Variants in TMEM108 observed in about 807,000 individuals in gnomAD.
TMEM108 encodes cancer/testis antigen 124.
In TMEM108, 12 loss-of-function variants were observed where a neutral mutation model predicts 35.1. The observed-to-expected ratio is 0.34, with a 90% CI of 0.22 to 0.55. The LOEUF (loss-of-function observed/expected upper bound fraction) is 0.55. Among genes scored for constraint, TMEM108 ranks in the 20% least tolerant of loss-of-function variants. The probability of loss-of-function intolerance (pLI) is 0.89; values close to 1 mark genes in which losing one functional copy is unlikely to be tolerated. For synonymous variants in TMEM108, 287 were observed against 308.6 expected (o/e 0.93, Z 0.73); for missense variants, 680 against 753.3 (o/e 0.90, Z 1.14).
chr3:133,060,254 G>T (rs1235793489), intron 2 of TMEM108, among the ~76,000 whole-genome samples: 1 of 152,136 alleles, frequency 6.6e-6, no homozygotes, highest in African/African-American at 2.4e-5. Flanking sequence ...GCTGCCTTGT[G>T]GTCTGAGAAG....
At chr3:133,105,677 C>T (rs996543508) in intron 2 of TMEM108, among the ~76,000 whole-genome samples, 7 of 152,126 alleles carry the variant, frequency 4.6e-5, no homozygotes, top group African/African-American at 1.4e-4. Flanking sequence ...CACACTCTTA[C>T]CCCCAAACTT....
At chr3:133,383,550 T>C (rs1211263612) in intron 4 of TMEM108, among the ~76,000 whole-genome samples, 1 of 152,216 alleles carries the variant, frequency 6.6e-6, no homozygotes, top group African/African-American at 2.4e-5. Context: ...CACCTGGATT[T>C]TGCAATTCTA....
At chr3:133,146,077 A>C (rs192024219) in intron 2 of TMEM108, among the ~76,000 whole-genome samples, 1 of 152,306 alleles carries the variant, frequency 6.6e-6, no homozygotes, top group Admixed American at 6.5e-5. Context: ...ACTTTGGCCC[A>C]TTCAGTATGA....
chr3:133,045,447 A>G (rs1036535490), intron 1 of TMEM108, among the ~76,000 whole-genome samples: 2 of 152,196 alleles, frequency 1.3e-5, no homozygotes, highest in South Asian at 4.1e-4. Context: ...CTTTTGTACA[A>G]TGGAGTCTGG....
chr3:133,088,261 G>A (rs1943907173), intron 2 of TMEM108, among the ~76,000 whole-genome samples: 1 of 152,092 alleles, frequency 6.6e-6, no homozygotes, highest in African/African-American at 2.4e-5. Flanking sequence ...CAGGAGGGCA[G>A]GAAAGGCCCA....
intron 3 of TMEM108, among the ~76,000 whole-genome samples, chr3:133,241,937 A>G (rs1946319900): frequency 6.6e-6 from 1 of 152,086 alleles, no homozygotes; most frequent in Non-Finnish European, 1.5e-5. Flanking sequence ...ACAACAAATT[A>G]CCACAAACTT....
At chr3:133,181,932 A>G (rs1278990024) in intron 2 of TMEM108, among the ~76,000 whole-genome samples, 1 of 152,222 alleles carries the variant, frequency 6.6e-6, no homozygotes, top group Non-Finnish European at 1.5e-5. Context: ...ACATTGAAAC[A>G]TTGTAAATAT....
At chr3:133,237,081 G>T (rs1285592560) in intron 3 of TMEM108, among the ~76,000 whole-genome samples, 1 of 152,106 alleles carries the variant, frequency 6.6e-6, no homozygotes, top group Non-Finnish European at 1.5e-5. Flanking sequence ...AAGCTTCCTA[G>T]GGTCTGCGCA....
intron 2 of TMEM108, among the ~76,000 whole-genome samples, chr3:133,055,244 A>T (rs1943452683): frequency 1.3e-5 from 2 of 152,252 alleles, no homozygotes; most frequent in Non-Finnish European, 2.9e-5. Context: ...CCAGAAGATT[A>T]AAATCTTCAA....
chr3:133,077,017 A>G (rs1171212951), intron 2 of TMEM108, among the ~76,000 whole-genome samples: 2 of 152,240 alleles, frequency 1.3e-5, no homozygotes, highest in Non-Finnish European at 2.9e-5. Context: ...CTCACATGAG[A>G]TAGTCATGCT....
Position 133,380,328 on chromosome 3 carries a change from C to G in TMEM108, c.617C>G (p.Pro206Arg). ...GQRGRNPSSTPLGQKRPLGKI... is the reference protein window; with the variant it reads ...GQRGRNPSSTRLGQKRPLGKI... Reference sequence around the variant, plus strand: ...CGAGGACGAAATCCAAGCTCCACACCTCTGGGGCAGAAGCGGCCCCTGGGG... The same window carrying G: ...CGAGGACGAAATCCAAGCTCCACACGTCTGGGGCAGAAGCGGCCCCTGGGG... The change falls in exon 4 of 6, where the codon CCT becomes CGT. Residue 206 changes from proline (P) to arginine (R), a missense_variant. By Grantham distance (103) the Pro-to-Arg change is moderately radical (BLOSUM62 -2). Around this residue, in one of 3 missense-constraint regions of TMEM108, gnomAD observed 526 missense variants for 532.1 expected, o/e 0.99. Coordinates refer to ENST00000321871, the MANE Select transcript of TMEM108 (RefSeq NM_023943.4). This position sits in a 1 kb window ranked among gnomAD's most constrained non-coding sequence, Gnocchi z 5.3. 6.2e-7 allele frequency: 1 copy of G among 1,614,176 alleles called. No individual in the cohort carries two copies. Among genetic ancestry groups the G allele is most frequent in the Non-Finnish European group, 8.5e-7 (1 of 1,180,014 alleles).
At chr3:133,281,405 A>G (rs1411393473) in intron 3 of TMEM108, among the ~76,000 whole-genome samples, 1 of 152,248 alleles carries the variant, frequency 6.6e-6, no homozygotes, top group African/African-American at 2.4e-5. Context: ...CCAGGCTTCA[A>G]GAGTATGCAG....
chr3:133,048,748 C>T (rs7631593), intron 2 of TMEM108, among the ~76,000 whole-genome samples: 100,516 of 152,106 alleles, frequency 0.66, 34,105 homozygotes, highest in African/African-American at 0.82. Flanking sequence ...ACATTTTTAG[C>T]CCTAGGTGTT....
At chr3:133,187,564 A>T (rs1965220) in intron 2 of TMEM108, among the ~76,000 whole-genome samples, 10 of 152,116 alleles carry the variant, frequency 6.6e-5, no homozygotes, top group Non-Finnish European at 1.3e-4. Context: ...AGCCTGGCCA[A>T]CATAGTAAAA....
At chr3:133,040,608 T>C (rs919060609) in intron 1 of TMEM108, among the ~76,000 whole-genome samples, 1 of 152,122 alleles carries the variant, frequency 6.6e-6, no homozygotes, top group Non-Finnish European at 1.5e-5. Context: ...GAGAAATTAA[T>C]CTTTGTTCCA....
intron 2 of TMEM108, among the ~76,000 whole-genome samples, chr3:133,057,479 A>ATATATATCTATATATATATATC (rs1559818494): frequency 2.6e-4 from 19 of 73,144 alleles, no homozygotes; most frequent in African/African-American, 9.5e-4. Flanking sequence ...ATATATATAT[A>ATATATATCTATATATATATATC]TATATATGTG....
chr3:133,381,229 T>C, intron 4 of TMEM108, 68 bp downstream of exon 4: 1 of 1,483,296 alleles, frequency 6.7e-7, no homozygotes, highest in Non-Finnish European at 9.0e-7. Flanking sequence ...CAGCATTCCT[T>C]TGTCCCTGAT....
chr3:133,065,611 C>T (rs1943597893), intron 2 of TMEM108, among the ~76,000 whole-genome samples: 1 of 152,136 alleles, frequency 6.6e-6, no homozygotes, highest in Non-Finnish European at 1.5e-5. Flanking sequence ...TTAATAGCTT[C>T]TCAACCTTAT....
At chr3:133,139,396 T>A (rs1309332425) in intron 2 of TMEM108, among the ~76,000 whole-genome samples, 1 of 152,226 alleles carries the variant, frequency 6.6e-6, no homozygotes, top group Non-Finnish European at 1.5e-5. Context: ...CTACTAACTT[T>A]TTAGAAACTC....
Sources: gnomAD v4.1 joint callset for allele counts (sites outside exome capture counted in the v4.1 genomes callset) on GRCh38, gnomAD v4.1.1 for gene constraint, gnomAD v4.1.1 regional missense constraint, Gnocchi (gnomAD v3.1) non-coding constraint, MANE v1.5 for transcripts, NCBI Gene and HGNC (gene_info 2026-07-23, HGNC 2026-07-21) for gene names.